The following ARL15 variants were observed in gnomAD, a reference collection of about 807,000 sequenced individuals.
The protein encoded by ARL15 is ARF like GTPase 15, also known as ADP-ribosylation factor-like protein 15.
Under a neutral mutation model 25.2 loss-of-function variants are expected in ARL15, and 19 were observed. The observed-to-expected ratio is 0.75, with a 90% CI of 0.53 to 1.10. The LOEUF is 1.10. Among genes scored for constraint, ARL15 ranks in the 50% least tolerant of loss-of-function variants. The pLI is 0.00. For synonymous variants in ARL15, 94 were observed against 86.8 expected, an observed-to-expected ratio of 1.08 and a Z score of -0.46; for missense variants, 220 against 246.0, an observed-to-expected ratio of 0.89 and a Z score of 0.71.
intron 1 of ARL15, among the ~76,000 whole-genome samples, chr5:54,272,107 CTTTTTTTTTT>C (rs34592464): frequency 0.031 from 1,128 of 36,788 alleles, 19 homozygotes; most frequent in Middle Eastern, 0.11. Context: ...CCACTCCTGG[CTTTTTTTTTT>C]TTTTTTTTTT....
chr5:54,195,289 G>C (rs774927062), intron 1 of ARL15, among the ~76,000 whole-genome samples: 5 of 151,914 alleles, frequency 3.3e-5, no homozygotes, highest in Admixed American at 6.6e-5. Flanking sequence ...TGAAAATACA[G>C]AAAAAAATCA....
At chr5:54,054,018 A>T (rs994808635) in intron 4 of ARL15, among the ~76,000 whole-genome samples, 3 of 152,210 alleles carry the variant, frequency 2.0e-5, no homozygotes, top group African/African-American at 7.2e-5. Context: ...TATCTTTGTA[A>T]TAATTCTGTA....
intron 1 of ARL15, among the ~76,000 whole-genome samples, chr5:54,190,668 T>C (rs1755373977): frequency 6.6e-6 from 1 of 152,164 alleles, no homozygotes. Context: ...CATAAGGCCA[T>C]AGCCCCCAGA....
At chr5:53,963,961 G>A (rs979667965) in intron 4 of ARL15, among the ~76,000 whole-genome samples, 3 of 152,090 alleles carry the variant, frequency 2.0e-5, no homozygotes, top group Non-Finnish European at 2.9e-5. Flanking sequence ...AAATGCTCTC[G>A]ATTCAAAGAT....
intron 3 of ARL15, among the ~76,000 whole-genome samples, chr5:54,130,929 G>C (rs1430872411): frequency 6.6e-6 from 1 of 152,108 alleles, no homozygotes; most frequent in African/African-American, 2.4e-5. Context: ...GGAGAAAATG[G>C]GCAGAACACA....
At chr5:54,137,818 G>A (rs1271466448) in intron 3 of ARL15, among the ~76,000 whole-genome samples, 1 of 151,662 alleles carries the variant, frequency 6.6e-6, no homozygotes, top group African/African-American at 2.4e-5. Flanking sequence ...GTATATTATA[G>A]TTGGGCATGG....
At chr5:54,202,912 T>C (rs1433067896) in intron 1 of ARL15, among the ~76,000 whole-genome samples, 2 of 152,280 alleles carry the variant, frequency 1.3e-5, no homozygotes, top group African/African-American at 4.8e-5. Context: ...TGCCAGAATA[T>C]ATCCAATACA....
intron 3 of ARL15, among the ~76,000 whole-genome samples, chr5:54,125,091 T>G (rs1338886382): frequency 6.6e-6 from 1 of 150,450 alleles, no homozygotes; most frequent in African/African-American, 2.4e-5. Context: ...TTTTGTTTTT[T>G]TTTTTTTTGA....
At chr5:54,201,655 G>T (rs556245953) in intron 1 of ARL15, among the ~76,000 whole-genome samples, 2 of 152,034 alleles carry the variant, frequency 1.3e-5, no homozygotes, top group Admixed American at 6.6e-5. Flanking sequence ...CTGCTCTTTG[G>T]CTATGAATTC....
chr5:54,074,500 A>G (rs993321062), intron 4 of ARL15, among the ~76,000 whole-genome samples: 2 of 152,238 alleles, frequency 1.3e-5, no homozygotes, highest in African/African-American at 2.4e-5. Context: ...AGATCCTAAG[A>G]GGAAAAGATA....
chr5:54,295,006 G>A (rs1455467825), intron 1 of ARL15, among the ~76,000 whole-genome samples: 1 of 152,230 alleles, frequency 6.6e-6, no homozygotes, highest in South Asian at 2.1e-4. Flanking sequence ...TCACTTTTAC[G>A]ATGGTTTATT....
At chr5:53,914,859 G>A (rs1382097335) in intron 4 of ARL15, among the ~76,000 whole-genome samples, 1 of 151,766 alleles carries the variant, frequency 6.6e-6, no homozygotes, top group Non-Finnish European at 1.5e-5. Flanking sequence ...CGCCCAGGCT[G>A]GAGTGCAATG....
intron 4 of ARL15, among the ~76,000 whole-genome samples, chr5:54,107,998 T>C (rs1328635667): frequency 6.6e-6 from 1 of 152,046 alleles, no homozygotes; most frequent in Non-Finnish European, 1.5e-5. Context: ...AAATCAGGTA[T>C]ACAAAATTAA....
At chr5:54,069,395 A>AC (rs2112062999) in intron 4 of ARL15, among the ~76,000 whole-genome samples, 1 of 151,870 alleles carries the variant, frequency 6.6e-6, no homozygotes, top group South Asian at 2.1e-4. Context: ...ACATGGCGAA[A>AC]CCCCGTCTCT....
chr5:54,005,738 T>C (rs1453220772), intron 4 of ARL15, among the ~76,000 whole-genome samples: 1 of 151,734 alleles, frequency 6.6e-6, no homozygotes, highest in African/African-American at 2.4e-5. Flanking sequence ...GGCCGGCGCC[T>C]GTAGTCCCAG....
At chr5:53,907,818 T>A (rs1313314265) in intron 4 of ARL15, among the ~76,000 whole-genome samples, 2 of 151,954 alleles carry the variant, frequency 1.3e-5, no homozygotes, top group Non-Finnish European at 2.9e-5. Flanking sequence ...ATATTCTTAC[T>A]CTCTGTGTGA....
intron 1 of ARL15, among the ~76,000 whole-genome samples, chr5:54,196,226 C>G (rs1055837370): frequency 2.6e-5 from 4 of 152,094 alleles, no homozygotes; most frequent in Admixed American, 2.6e-4. Flanking sequence ...GATGAACTTA[C>G]TAAAGCCCCA....
chr5:53,929,581 A>C (rs984771675), intron 4 of ARL15, among the ~76,000 whole-genome samples: 8 of 152,252 alleles, frequency 5.3e-5, no homozygotes, highest in South Asian at 2.1e-4. Flanking sequence ...CTATTGTGCA[A>C]CATCAATGCC....
intron 3 of ARL15, among the ~76,000 whole-genome samples, chr5:54,130,707 T>C (rs765000593): frequency 2.0e-5 from 3 of 152,168 alleles, no homozygotes; most frequent in Admixed American, 6.5e-5. Context: ...AATACAATGA[T>C]ACATACCTGG....
Sources: allele counts gnomAD v4.1 joint callset (sites outside exome capture counted in the v4.1 genomes callset), GRCh38; gene constraint gnomAD v4.1.1; transcripts MANE v1.5; gene names NCBI Gene and HGNC (gene_info 2026-07-23, HGNC 2026-07-21).